The following NPAS3 variants were observed in gnomAD, a reference collection of about 807,000 sequenced individuals.
NPAS3 encodes neuronal PAS domain-containing protein 3.
NPAS3 carries 14 observed loss-of-function variants against 73.1 expected under a neutral mutation model. The ratio of observed to expected loss-of-function variants is 0.19; its 90% confidence interval spans 0.13 to 0.30. NPAS3 has a LOEUF of 0.30. Ranked by LOEUF, NPAS3 falls within the 10% of genes least tolerant of loss-of-function variation. The pLI is 1.00. For missense variants in NPAS3, 1,096 were observed against 1,250.0 expected, an observed-to-expected ratio of 0.88 and a Z score of 1.86; for synonymous variants, 620 against 541.5, an observed-to-expected ratio of 1.14 and a Z score of -2.01.
chr14:33,380,077 G>GCAAAAAAAAAAAA (rs2046480088), intron 4 of NPAS3, among the ~76,000 whole-genome samples: 1 of 150,244 alleles, frequency 6.7e-6, no homozygotes, highest in African/African-American at 2.5e-5. Flanking sequence ...AAAAAATACA[G>GCAAAAAAAAAAAA]ATAAGCAAAG....
At chr14:33,653,733 C>G (rs1200140789) in intron 5 of NPAS3, among the ~76,000 whole-genome samples, 1 of 152,168 alleles carries the variant, frequency 6.6e-6, no homozygotes, top group African/African-American at 2.4e-5. Flanking sequence ...TGGGTAGGTT[C>G]CCTGAAAAGA....
At chr14:32,973,296 A>T (rs1211763663) in intron 1 of NPAS3, among the ~76,000 whole-genome samples, 1 of 152,242 alleles carries the variant, frequency 6.6e-6, no homozygotes, top group Middle Eastern at 3.4e-3. Context: ...TAATTTTTTT[A>T]AAATTTCCTT....
chr14:33,721,376 T>C (rs2061105935), intron 6 of NPAS3, among the ~76,000 whole-genome samples: 1 of 152,134 alleles, frequency 6.6e-6, no homozygotes, highest in African/African-American at 2.4e-5. Flanking sequence ...TTAGGTTGGG[T>C]TTACATATTT....
chr14:33,591,207 A>G (rs2057052399), intron 5 of NPAS3, among the ~76,000 whole-genome samples: 1 of 152,122 alleles, frequency 6.6e-6, no homozygotes, highest in Non-Finnish European at 1.5e-5. Context: ...CCTTGCCTGT[A>G]TGGGACTACA....
rs538991989 is a variant in NPAS3 at position 33,028,261 on chromosome 14, A to G, written c.51-27644A>G. On this transcript the variant is annotated intron_variant, in intron 1 of 11. Transcript: ENST00000356141. ...CATGTGGATTTGAAAAAACATTGAGATCTTTTCTGTATTTCTGCCTCAGTG... is the reference window on the plus strand; with the variant it reads ...CATGTGGATTTGAAAAAACATTGAGGTCTTTTCTGTATTTCTGCCTCAGTG... 1.4e-3 allele frequency among the ~76,000 whole-genome samples: 219 copies of G among 152,194 alleles called. 1 individual carries two copies. Among genetic ancestry groups the G allele is most frequent in the African/African-American group, 5.0e-3 (206 of 41,520 alleles).
At chr14:33,266,086 C>T (rs968393598) in intron 3 of NPAS3, among the ~76,000 whole-genome samples, 5 of 151,842 alleles carry the variant, frequency 3.3e-5, no homozygotes, top group African/African-American at 4.8e-5. Flanking sequence ...GCTAACATTG[C>T]AGAATTGTTA....
chr14:33,697,943 G>A (rs2060430314), intron 6 of NPAS3, among the ~76,000 whole-genome samples: 1 of 152,204 alleles, frequency 6.6e-6, no homozygotes, highest in African/African-American at 2.4e-5. Flanking sequence ...GTGATGAAAA[G>A]AAATTTCCAT....
At chr14:33,367,074 C>G in intron 3 of NPAS3, 112 bp from the exon 4 acceptor site, 2 of 526,496 alleles carry the variant, frequency 3.8e-6, no homozygotes, top group Non-Finnish European at 6.7e-6. Context: ...TGGTTCAGAT[C>G]TCATTGTAAT....
At chr14:33,703,074 A>G (rs970228932) in intron 6 of NPAS3, among the ~76,000 whole-genome samples, 1 of 152,138 alleles carries the variant, frequency 6.6e-6, no homozygotes, top group African/African-American at 2.4e-5. Flanking sequence ...TGGAAATCGC[A>G]TTAGTTGGAG....
intron 3 of NPAS3, among the ~76,000 whole-genome samples, chr14:33,295,777 A>G (rs530676857): frequency 6.6e-6 from 1 of 152,352 alleles, no homozygotes; most frequent in African/African-American, 2.4e-5. Flanking sequence ...AAAAAGAACA[A>G]AGGTTTTATT....
intron 2 of NPAS3, among the ~76,000 whole-genome samples, chr14:33,132,130 A>G (rs2043660988): frequency 6.6e-6 from 1 of 152,154 alleles, no homozygotes; most frequent in Admixed American, 6.6e-5. Flanking sequence ...TCTGGGAAGC[A>G]GATATGGAGG....
rs143376382 is a variant in NPAS3, at chr14:33,427,225, G to A, written c.468+59957G>A. Among the ~76,000 whole-genome samples, 10 of 152,034 alleles carry A rather than the reference G, an allele frequency of 6.6e-5. No individual in the cohort carries two copies. The East Asian group carries it at 1.5e-3, about 24-fold the overall frequency. On this transcript the variant is annotated intron_variant, in intron 4 of 11. Transcript: ENST00000356141. Reference sequence around the variant, plus strand: ...TGGGATGGTCCTTGTTTGAGAAGACGATTCTCTGCTTATATGCATGCAAAG... The same window carrying A: ...TGGGATGGTCCTTGTTTGAGAAGACAATTCTCTGCTTATATGCATGCAAAG...
chr14:33,335,644 A>G (rs1382294433), intron 3 of NPAS3, among the ~76,000 whole-genome samples: 3 of 152,120 alleles, frequency 2.0e-5, no homozygotes, highest in Admixed American at 1.3e-4. Flanking sequence ...TAAGTGACAC[A>G]TAGTTTAGGC....
intron 4 of NPAS3, among the ~76,000 whole-genome samples, chr14:33,511,353 A>T (rs762279101): frequency 1.2e-4 from 18 of 152,020 alleles, no homozygotes; most frequent in Non-Finnish European, 1.3e-4. Flanking sequence ...ACAACTTCCT[A>T]TTTTTATTTC....
At chr14:33,219,190 A>G (rs2047333694) in intron 3 of NPAS3, among the ~76,000 whole-genome samples, 1 of 152,158 alleles carries the variant, frequency 6.6e-6, no homozygotes, top group Admixed American at 6.6e-5. Context: ...TCACTTCTCC[A>G]TTCATAGTAA....
chr14:33,293,901 A>G (rs1272356761), intron 3 of NPAS3, among the ~76,000 whole-genome samples: 2 of 152,234 alleles, frequency 1.3e-5, no homozygotes, highest in Admixed American at 1.3e-4. Context: ...GGGTAAAAGA[A>G]TCTTTGGCCA....
intron 4 of NPAS3, among the ~76,000 whole-genome samples, chr14:33,369,335 G>T (rs1228994699): frequency 7.9e-6 from 1 of 127,176 alleles, no homozygotes; most frequent in Non-Finnish European, 1.6e-5. Flanking sequence ...GCCTGAGAAA[G>T]TTTAGTTTGG....
At chr14:33,214,760 T>C (rs1306710069) in intron 2 of NPAS3, 1 of 157,720 alleles carries the variant, frequency 6.3e-6, no homozygotes, top group Non-Finnish European at 1.4e-5. Flanking sequence ...TTCCTTTTGA[T>C]GAAGATCCCA....
At chr14:33,680,570 T>G in intron 6 of NPAS3, 1 of 702,060 alleles carries the variant, frequency 1.4e-6, no homozygotes, top group Non-Finnish European at 2.6e-6. Context: ...ATTTTCATGT[T>G]TCTCTAAGAT....
Sources: allele counts gnomAD v4.1 joint callset (sites outside exome capture counted in the v4.1 genomes callset), GRCh38; gene constraint gnomAD v4.1.1; transcripts MANE v1.5; gene names NCBI Gene and HGNC (gene_info 2026-07-23, HGNC 2026-07-21).